SPTBN1: variants seen among roughly 807,000 people sequenced by gnomAD.
The protein encoded by SPTBN1 is spectrin beta, non-erythrocytic 1, also known as spectrin beta chain, non-erythrocytic 1.
Under a neutral mutation model 266.4 loss-of-function variants are expected in SPTBN1, and 32 were observed. The ratio of observed to expected loss-of-function variants is 0.12; its 90% CI spans 0.09 to 0.16. The LOEUF is 0.16. SPTBN1 is among the 10% of genes least tolerant of loss of function. The probability of loss-of-function intolerance (pLI) is 1.00; values close to 1 mark genes in which losing one functional copy is unlikely to be tolerated. For synonymous variants in SPTBN1, 1,336 were observed against 1,162.2 expected (o/e 1.15, Z -3.04); for missense variants, 2,296 against 3,067.1 (o/e 0.75, Z 5.94).
intron 17 of SPTBN1, among the ~76,000 whole-genome samples, chr2:54,634,548 G>C (rs1046601269): frequency 6.6e-6 from 1 of 152,174 alleles, no homozygotes; most frequent in South Asian, 2.1e-4. Flanking sequence ...ACTGAATTCT[G>C]ATTTCACTTT....
At chr2:54,657,371 A>G (rs556057362) in intron 29 of SPTBN1, among the ~76,000 whole-genome samples, 1 of 152,342 alleles carries the variant, frequency 6.6e-6, no homozygotes, top group African/African-American at 2.4e-5. Context: ...GGCTTAGCTC[A>G]TGAAGTGGGG....
chr2:54,493,612 G>A (rs569527408), intron 1 of SPTBN1, among the ~76,000 whole-genome samples: 4 of 152,040 alleles, frequency 2.6e-5, no homozygotes, highest in Admixed American at 2.0e-4. Context: ...ATGTTGGCCC[G>A]GCTAGTCTTG....
At chr2:54,462,553 A>C (rs1468444888) in intron 1 of SPTBN1, among the ~76,000 whole-genome samples, 2 of 152,188 alleles carry the variant, frequency 1.3e-5, no homozygotes, top group South Asian at 2.1e-4. Context: ...TATTTAATGA[A>C]TAATTATTGG....
intron 3 of SPTBN1, among the ~76,000 whole-genome samples, chr2:54,602,511 A>G (rs1573507723): frequency 1.3e-5 from 2 of 152,096 alleles, no homozygotes; most frequent in East Asian, 3.9e-4. Flanking sequence ...ATTGATTCTC[A>G]CTATGGTGGC....
At chr2:54,525,641 T>G (rs996335410) in intron 1 of SPTBN1, among the ~76,000 whole-genome samples, 6 of 152,288 alleles carry the variant, frequency 3.9e-5, no homozygotes, top group Non-Finnish European at 8.8e-5. Context: ...CAGGAGAAGC[T>G]TAAAGATTAT....
chr2:54,652,869 T>G (rs2104135186), intron 26 of SPTBN1: 1 of 136,728 alleles, frequency 7.3e-6, no homozygotes, highest in East Asian at 2.1e-4. Flanking sequence ...GGTTTGTTGG[T>G]TTTTTTCTTT....
chr2:54,560,342 C>G lies in SPTBN1; in HGVS notation c.148+33776C>G, dbSNP rs150747574. On this transcript the variant is annotated intron_variant, in intron 2 of 35. Coordinates refer to ENST00000356805, the MANE Select transcript of SPTBN1 (RefSeq NM_003128.3). ...AGCACCCACCGGGATCGTCAGCCCA[C>G]TCCACCGCCAGCCTAGCCTGGAAGT... Among the ~76,000 whole-genome samples the G allele has an allele frequency of 8.0e-3, 1,215 of 152,186 alleles. 9 individuals carry two copies. Among genetic ancestry groups the G allele is most frequent in the Non-Finnish European group, 0.012 (788 of 68,014 alleles).
chr2:54,668,780 A>G lies in SPTBN1; in HGVS notation c.*211A>G. On this transcript the variant is annotated 3_prime_UTR_variant, in exon 36 of 36. Transcript: ENST00000356805. ...TTACAAAAGTTTGAGGTGCAGAGGG[A>G]AGGCCAGATTTTTTTTTTAATGAAA... The G allele has an allele frequency of 2.0e-6, 1 of 507,586 alleles. No individual in the cohort carries two copies. 31.4% of individuals were successfully genotyped at this position (507,586 alleles called of 1,614,324 possible).
rs1474023982 is a variant in SPTBN1, at chr2:54,558,537, C to A, written c.148+31971C>A. On this transcript the variant is annotated intron_variant, in intron 2 of 35. Coordinates refer to ENST00000356805, the MANE Select transcript of SPTBN1 (RefSeq NM_003128.3). This position sits in a 1 kb window ranked among gnomAD's most constrained non-coding sequence, Gnocchi z 4.6. ...CAGTAATTTATTTCGAGCTTCCAGGCAAGGGCCACGGAAGAAGGGAAAGCA... is the reference window on the plus strand; with the variant it reads ...CAGTAATTTATTTCGAGCTTCCAGGAAAGGGCCACGGAAGAAGGGAAAGCA... The A allele has an allele frequency of 2.0e-5, 25 of 1,270,034 alleles. 1 individual carries two copies. The highest frequency in any genetic ancestry group is 2.3e-5 in the Non-Finnish European group (23 of 1,005,154). The allele number at this position is 1,270,034 out of a possible 1,614,324, so 78.7% of individuals were successfully genotyped here.
chr2:54,649,561 G>T lies in SPTBN1; in HGVS notation c.5203-54G>T, dbSNP rs572616128. 5.7e-6 allele frequency: 9 copies of T among 1,577,174 alleles called. No homozygotes were observed. In the South Asian group the frequency reaches 1.1e-4, roughly 18 times the overall value. Reference sequence around the variant, plus strand: ...TTCCAAAGGGTATTCATGTGATCAAGAAATACAGAGTTCACAGTGGGCTCT... The same window carrying T: ...TTCCAAAGGGTATTCATGTGATCAATAAATACAGAGTTCACAGTGGGCTCT... On this transcript the variant is annotated intron_variant, in intron 25 of 35. Transcript: ENST00000356805. The surrounding 1 kb of genome is among the most constrained non-coding windows in gnomAD (Gnocchi z 6.7).
At chr2:54,467,522 G>T (rs1693699317) in intron 1 of SPTBN1, among the ~76,000 whole-genome samples, 1 of 152,050 alleles carries the variant, frequency 6.6e-6, no homozygotes, top group South Asian at 2.1e-4. Flanking sequence ...AGCCTCCCGA[G>T]TAGCTGGCGC....
chr2:54,531,478 C>T (rs564652113), intron 2 of SPTBN1, among the ~76,000 whole-genome samples: 11 of 152,090 alleles, frequency 7.2e-5, no homozygotes, highest in Non-Finnish European at 1.5e-4. Context: ...GGCTAGAGTA[C>T]AGTGGTAGAG....
intron 1 of SPTBN1, among the ~76,000 whole-genome samples, chr2:54,494,974 C>T (rs544902648): frequency 9.9e-5 from 15 of 151,974 alleles, no homozygotes; most frequent in East Asian, 1.9e-4. Flanking sequence ...CCAATTGCAC[C>T]GTTCTTTATA....
chr2:54,615,082 C>G (rs1156636967), intron 4 of SPTBN1, among the ~76,000 whole-genome samples: 2 of 152,142 alleles, frequency 1.3e-5, no homozygotes, highest in East Asian at 3.9e-4. Context: ...ATATTAGAGA[C>G]TGGGGTTTAT....
chr2:54,617,744 A>G (rs1054600022), intron 6 of SPTBN1, 56 bp downstream of exon 6: 58 of 1,571,754 alleles, frequency 3.7e-5, no homozygotes, highest in Middle Eastern at 1.7e-4. Flanking sequence ...CTGTCCTTCC[A>G]TAGCAGATTT....
chr2:54,616,811 G>A (rs557436254), intron 5 of SPTBN1, among the ~76,000 whole-genome samples: 7 of 152,032 alleles, frequency 4.6e-5, no homozygotes, highest in Admixed American at 6.6e-5. Flanking sequence ...CTAAGCCTTC[G>A]AGTTCTTAGC....
chr2:54,642,443 C>T (rs960211646), intron 18 of SPTBN1, among the ~76,000 whole-genome samples: 2 of 151,964 alleles, frequency 1.3e-5, no homozygotes, highest in East Asian at 1.9e-4. Flanking sequence ...ATGATTGTTG[C>T]CTTAGCCCTA....
intron 2 of SPTBN1, among the ~76,000 whole-genome samples, chr2:54,541,802 GT>G (rs1314743022): frequency 1.3e-5 from 2 of 152,080 alleles, no homozygotes; most frequent in African/African-American, 4.8e-5. Flanking sequence ...ACACATAAAG[GT>G]ATGTATATTT....
At chr2:54,621,269 G>T in intron 7 of SPTBN1, 131 bp from the exon 8 acceptor site, 2 of 577,858 alleles carry the variant, frequency 3.5e-6, no homozygotes, top group South Asian at 5.1e-5. Context: ...ACGGATGGCA[G>T]AACACTCAGG....
Sources: gnomAD v4.1 joint callset for allele counts (sites outside exome capture counted in the v4.1 genomes callset) on GRCh38, gnomAD v4.1.1 for gene constraint, Gnocchi (gnomAD v3.1) non-coding constraint, MANE v1.5 for transcripts, NCBI Gene and HGNC (gene_info 2026-07-23, HGNC 2026-07-21) for gene names.